FBXO34: variants seen among roughly 807,000 people sequenced by gnomAD.
FBXO34 encodes F-box only protein 34.
A neutral mutation model predicts 24.5 loss-of-function variants in FBXO34; 12 were observed. That is an observed-to-expected ratio of 0.49 (90% CI 0.31 to 0.79). The LOEUF is 0.79. Among genes scored for constraint, FBXO34 ranks in the 30% least tolerant of loss-of-function variants. FBXO34 has a pLI of 0.04. For missense variants in FBXO34, 823 were observed against 857.7 expected, an observed-to-expected ratio of 0.96 and a Z score of 0.51; for synonymous variants, 320 against 311.9, an observed-to-expected ratio of 1.03 and a Z score of -0.27.
intron 1 of FBXO34, among the ~76,000 whole-genome samples, chr14:55,287,912 A>G (rs994001512): frequency 7.2e-5 from 11 of 152,206 alleles, no homozygotes; most frequent in African/African-American, 2.7e-4. Flanking sequence ...TTGCTGTGTT[A>G]ACAATGTCAT....
chr14:55,400,218 T>C, the FBXO34 span, among the ~76,000 whole-genome samples: 1 of 152,166 alleles, frequency 6.6e-6, no homozygotes, highest in Non-Finnish European at 1.5e-5. Context: ...GATAAAAAAT[T>C]CATTCCACAA....
chr14:55,298,706 G>C, intron 1 of FBXO34: 12 of 1,570,870 alleles, frequency 7.6e-6, no homozygotes, highest in Non-Finnish European at 1.0e-5. Flanking sequence ...AGGCCATCCA[G>C]CGGCTGCGGG....
At chr14:55,339,296 G>A (rs1366769365) in intron 1 of FBXO34, 1 of 151,582 alleles carries the variant, frequency 6.6e-6, no homozygotes, top group Non-Finnish European at 1.5e-5. Context: ...TGTACAATAT[G>A]ATCATAACCA....
At chr14:55,362,443 T>A (rs977781284), downstream of FBXO34, among the ~76,000 whole-genome samples, 4 of 152,188 alleles carry the variant, frequency 2.6e-5, no homozygotes, top group Non-Finnish European at 4.4e-5. Context: ...CGCTGATGAC[T>A]TGCTCATTGC....
the FBXO34 span, among the ~76,000 whole-genome samples, chr14:55,431,985 A>G: frequency 1.3e-5 from 2 of 152,226 alleles, no homozygotes; most frequent in Admixed American, 1.3e-4. Context: ...GAAAAAGACC[A>G]AAAAATATAT....
At chr14:55,404,083 A>C in the FBXO34 span, among the ~76,000 whole-genome samples, 1 of 152,200 alleles carries the variant, frequency 6.6e-6, no homozygotes, top group Non-Finnish European at 1.5e-5. Context: ...CCTGGATTAT[A>C]TAATTTACTT....
At chr14:55,292,700 A>G (rs978111772) in intron 1 of FBXO34, among the ~76,000 whole-genome samples, 2 of 152,026 alleles carry the variant, frequency 1.3e-5, no homozygotes, top group African/African-American at 4.8e-5. Context: ...AAGAAAGGAT[A>G]TATATGCATG....
intron 1 of FBXO34, among the ~76,000 whole-genome samples, chr14:55,323,341 A>C (rs1307033235): frequency 7.1e-6 from 1 of 141,316 alleles, no homozygotes; most frequent in Non-Finnish European, 1.5e-5. Context: ...TACTGGGATT[A>C]TATGCGTGAG....
intron 1 of FBXO34, among the ~76,000 whole-genome samples, chr14:55,322,309 C>CAAA (rs3084455): frequency 1.1e-4 from 14 of 122,046 alleles, no homozygotes; most frequent in Non-Finnish European, 2.1e-4. Flanking sequence ...GACTCTGTCT[C>CAAA]AAAAAAAAAA....
chr14:55,330,184 A>C (rs1883485226), intron 1 of FBXO34, among the ~76,000 whole-genome samples: 1 of 152,228 alleles, frequency 6.6e-6, no homozygotes, highest in Non-Finnish European at 1.5e-5. Context: ...CTGACATTTT[A>C]ACCTGATTGG....
At chr14:55,355,435 T>A (rs1269534368), downstream of FBXO34, among the ~76,000 whole-genome samples, 1 of 152,206 alleles carries the variant, frequency 6.6e-6, no homozygotes, top group Non-Finnish European at 1.5e-5. Flanking sequence ...TCTGTCACCG[T>A]ATCTTTGGCC....
At chr14:55,285,591 C>T (rs923044392) in intron 1 of FBXO34, 1 of 152,268 alleles carries the variant, frequency 6.6e-6, no homozygotes, top group South Asian at 2.1e-4. Flanking sequence ...ATGAACACTT[C>T]ATGGGATTTC....
chr14:55,420,634 G>T, the FBXO34 span, among the ~76,000 whole-genome samples: 4 of 152,176 alleles, frequency 2.6e-5, no homozygotes, highest in Non-Finnish European at 5.9e-5. Flanking sequence ...TGTCTTGCAA[G>T]AAATTTAAAT....
chr14:55,387,092 C>A, the FBXO34 span, among the ~76,000 whole-genome samples: 8,841 of 152,130 alleles, frequency 0.058, 327 homozygotes, highest in South Asian at 0.089. Flanking sequence ...CTGCCTATCT[C>A]CAACACGGCT....
chr14:55,295,899 C>G (rs966327145), intron 1 of FBXO34, among the ~76,000 whole-genome samples: 2 of 152,144 alleles, frequency 1.3e-5, no homozygotes, highest in Non-Finnish European at 2.9e-5. Context: ...ACAGTAATGT[C>G]ACAAAGAGAC....
intron 1 of FBXO34, among the ~76,000 whole-genome samples, chr14:55,275,860 T>TAA: frequency 6.8e-6 from 1 of 146,364 alleles, no homozygotes; most frequent in Non-Finnish European, 1.5e-5. Context: ...AACTATGTTA[T>TAA]GCTAGATTGG....
chr14:55,410,127 G>T, the FBXO34 span, among the ~76,000 whole-genome samples: 62 of 152,296 alleles, frequency 4.1e-4, no homozygotes, highest in African/African-American at 1.4e-3. Context: ...CATTTACTGG[G>T]TTGGGATGAG....
chr14:55,412,374 T>A, the FBXO34 span, among the ~76,000 whole-genome samples: 1 of 152,212 alleles, frequency 6.6e-6, no homozygotes, highest in South Asian at 2.1e-4. Flanking sequence ...GCCGTGAGGA[T>A]TAATATGGTT....
At chr14:55,401,404 G>T in the FBXO34 span, among the ~76,000 whole-genome samples, 1 of 151,626 alleles carries the variant, frequency 6.6e-6, no homozygotes. Flanking sequence ...ACATCTTTTT[G>T]TTGTTGTTGT....
Sources: gnomAD v4.1 joint callset for allele counts (sites outside exome capture counted in the v4.1 genomes callset) on GRCh38, gnomAD v4.1.1 for gene constraint, MANE v1.5 for transcripts, NCBI Gene and HGNC (gene_info 2026-07-23, HGNC 2026-07-21) for gene names.